The following CTDSPL2 variants were observed in gnomAD, a reference collection of about 807,000 sequenced individuals.
The protein encoded by CTDSPL2 is CTD small phosphatase like 2, also known as CTD small phosphatase-like protein 2.
CTDSPL2 carries 5 observed loss-of-function variants against 60.0 expected under a neutral mutation model. The ratio of observed to expected loss-of-function variants is 0.08; its 90% CI spans 0.04 to 0.18. CTDSPL2 has a LOEUF of 0.18. CTDSPL2 is among the 10% of genes least tolerant of loss of function. The probability of loss-of-function intolerance (pLI) is 1.00; values close to 1 mark genes in which losing one functional copy is unlikely to be tolerated. For synonymous variants in CTDSPL2, 186 were observed against 189.3 expected (o/e 0.98, Z 0.14); for missense variants, 370 against 548.8 (o/e 0.67, Z 3.26).
In CTDSPL2 at chr15:44,526,118, G is replaced by A. The variant is rs2081868241; in HGVS notation, c.*1944G>A. The A allele has an allele frequency of 6.6e-6, 1 of 151,994 alleles. No individual in the cohort carries two copies. Among genetic ancestry groups the A allele is most frequent in the African/African-American group, 2.4e-5 (1 of 41,400 alleles). The allele number at this position is 151,994 out of a possible 1,614,324, so 9.4% of individuals were successfully genotyped here. On this transcript the variant is annotated 3_prime_UTR_variant, in exon 13 of 13. Transcript: ENST00000260327. ...AAATGTATTTATCTTTAGGGCATCT[G>A]GGCATCTTTATGCTGTTTGTCTTCT... is the stretch of plus-strand genomic sequence containing the variant.
At chr15:44,499,540 A>G (rs2081354559) in intron 7 of CTDSPL2, among the ~76,000 whole-genome samples, 187 bp from the exon 8 acceptor site, 1 of 152,210 alleles carries the variant, frequency 6.6e-6, no homozygotes, top group Non-Finnish European at 1.5e-5. Context: ...TCCAGGAGCT[A>G]TACCTGAGAA....
Position 44,446,587 on chromosome 15 carries a change from A to T in CTDSPL2, c.-24-12404A>T, listed in dbSNP as rs138274385. Among the ~76,000 whole-genome samples the T allele has an allele frequency of 2.3e-3, 354 of 151,492 alleles. 2 individuals are homozygous for T. The highest frequency in any genetic ancestry group is 8.0e-3 in the African/African-American group (330 of 41,322). On this transcript the variant is annotated intron_variant, in intron 1 of 12. Coordinates refer to ENST00000260327, the MANE Select transcript of CTDSPL2 (RefSeq NM_016396.3). Reference sequence around the variant, plus strand: ...AGAGGTTGCAGTGAGCTGAGATAGAACCACTGCACTCCAGCCTGGGTGACA... The same window carrying T: ...AGAGGTTGCAGTGAGCTGAGATAGATCCACTGCACTCCAGCCTGGGTGACA...
At position 44,527,716 on chromosome 15, in the gene CTDSPL2, G is replaced by A. The variant is rs994790771; in HGVS notation, c.*3542G>A. 3.3e-5 allele frequency: 5 copies of A among 152,088 alleles called. No homozygotes were observed. The South Asian group carries it at 6.2e-4, about 19-fold the overall frequency. 9.4% of individuals were successfully genotyped at this position (152,088 alleles called of 1,614,324 possible). A position where few individuals can be genotyped will look rare whatever the true frequency, so the allele number is the denominator to read the frequency against. On this transcript the variant is annotated 3_prime_UTR_variant, in exon 13 of 13. Transcript: ENST00000260327. Reference sequence around the variant, plus strand: ...TTAACTTAGTTAATAGTTACCCACCGAATAACTATGCCAAGCAACTAGTAA... The same window carrying A: ...TTAACTTAGTTAATAGTTACCCACCAAATAACTATGCCAAGCAACTAGTAA...
intron 1 of CTDSPL2, among the ~76,000 whole-genome samples, chr15:44,443,289 T>G (rs964352075): frequency 9.8e-5 from 15 of 152,338 alleles, no homozygotes; most frequent in African/African-American, 3.4e-4. Flanking sequence ...GTACCACATT[T>G]TGTTTATCCA....
chr15:44,474,424 A>T (rs2080873473), intron 2 of CTDSPL2, among the ~76,000 whole-genome samples: 1 of 151,954 alleles, frequency 6.6e-6, no homozygotes. Context: ...CAGGAGGCGG[A>T]GGTTGCAGTG....
intron 11 of CTDSPL2, chr15:44,520,114 G>A (rs2081736704): frequency 6.6e-6 from 1 of 150,806 alleles, no homozygotes; most frequent in Non-Finnish European, 1.5e-5. Flanking sequence ...TTATGAATAT[G>A]TCCATGTGAT....
intron 1 of CTDSPL2, among the ~76,000 whole-genome samples, chr15:44,437,859 G>A (rs1174154590): frequency 6.6e-6 from 1 of 152,190 alleles, no homozygotes; most frequent in African/African-American, 2.4e-5. Context: ...TGATACTTGG[G>A]CTGAGTTTTA....
chr15:44,435,933 A>G (rs1009831164), intron 1 of CTDSPL2, among the ~76,000 whole-genome samples: 3 of 152,086 alleles, frequency 2.0e-5, no homozygotes, highest in Non-Finnish European at 2.9e-5. Context: ...TAATGCTCCT[A>G]TACTTAGTCC....
chr15:44,485,030 A>T (rs1295635442), intron 3 of CTDSPL2, among the ~76,000 whole-genome samples: 1 of 152,148 alleles, frequency 6.6e-6, no homozygotes, highest in Non-Finnish European at 1.5e-5. Context: ...CTCAGAGGGG[A>T]CTTGCATCAC....
At chr15:44,459,875 T>A (rs2080528269) in intron 2 of CTDSPL2, among the ~76,000 whole-genome samples, 1 of 152,178 alleles carries the variant, frequency 6.6e-6, no homozygotes, top group Non-Finnish European at 1.5e-5. Context: ...ATGATGAAGA[T>A]GTATTGCTTC....
intron 2 of CTDSPL2, among the ~76,000 whole-genome samples, chr15:44,480,008 A>G (rs1226985174): frequency 6.6e-6 from 1 of 151,952 alleles, no homozygotes; most frequent in African/African-American, 2.4e-5. Context: ...TATTTCTACC[A>G]TGTGTTTATT....
At chr15:44,497,833 C>T (rs2081326672) in intron 7 of CTDSPL2, among the ~76,000 whole-genome samples, 1 of 152,006 alleles carries the variant, frequency 6.6e-6, no homozygotes. Context: ...CCATTCTCTA[C>T]TAGAAATTCA....
chr15:44,497,860 G>T (rs2081327082), intron 7 of CTDSPL2, among the ~76,000 whole-genome samples: 1 of 152,068 alleles, frequency 6.6e-6, no homozygotes, highest in Non-Finnish European at 1.5e-5. Flanking sequence ...AGCTGGGCAT[G>T]GTGATACACA....
intron 5 of CTDSPL2, among the ~76,000 whole-genome samples, chr15:44,494,034 A>C (rs529192501): frequency 6.6e-6 from 1 of 152,174 alleles, no homozygotes; most frequent in African/African-American, 2.4e-5. Flanking sequence ...GTCTTGAAAG[A>C]CTATTATCTA....
At chr15:44,460,963 G>C (rs558514825) in intron 2 of CTDSPL2, among the ~76,000 whole-genome samples, 1 of 148,748 alleles carries the variant, frequency 6.7e-6, no homozygotes, top group Admixed American at 6.6e-5. Context: ...CATAAAGTGC[G>C]TCCTCATCTT....
Position 44,499,713 on chromosome 15 carries a change from T to C in CTDSPL2, c.883-14T>C. 6.7e-7 allele frequency: 1 copy of C among 1,499,928 alleles called. No individual in the cohort carries two copies. The highest frequency in any genetic ancestry group is 9.2e-7 in the Non-Finnish European group (1 of 1,090,262). 92.9% of individuals were successfully genotyped at this position (1,499,928 alleles called of 1,614,324 possible). On this transcript the variant is annotated splice_polypyrimidine_tract_variant and intron_variant, in intron 7 of 12. Coordinates refer to ENST00000260327, the MANE Select transcript of CTDSPL2 (RefSeq NM_016396.3). ...ACTATCTTGTTTCATTCAATTTCTG[T>C]TTTTTATTTTAAGGATGAAACACTA...
chr15:44,519,026 A>C (rs1233790413), intron 10 of CTDSPL2, 143 bp from the exon 11 acceptor site: 1 of 460,022 alleles, frequency 2.2e-6, no homozygotes, highest in Non-Finnish European at 3.7e-6. Context: ...CCCAACGCTT[A>C]GACCCATATT....
chr15:44,519,362 A>T, intron 11 of CTDSPL2, 67 bp downstream of exon 11: 5 of 1,249,834 alleles, frequency 4.0e-6, no homozygotes, highest in Non-Finnish European at 5.5e-6. Flanking sequence ...GCTGCCAAAC[A>T]GAATATGATG....
At chr15:44,466,229 G>A (rs752504841) in intron 2 of CTDSPL2, among the ~76,000 whole-genome samples, 2 of 151,958 alleles carry the variant, frequency 1.3e-5, no homozygotes, top group Non-Finnish European at 2.9e-5. Context: ...GAGCCACCGC[G>A]CCTGGCCAGA....
Sources: allele counts gnomAD v4.1 joint callset (sites outside exome capture counted in the v4.1 genomes callset), GRCh38; gene constraint gnomAD v4.1.1; transcripts MANE v1.5; gene names NCBI Gene and HGNC (gene_info 2026-07-23, HGNC 2026-07-21).